LOXHD1: variants seen among roughly 807,000 people sequenced by gnomAD.
LOXHD1 encodes lipoxygenase homology domain-containing protein 1.
Under a neutral mutation model 248.2 loss-of-function variants are expected in LOXHD1, and 205 were observed. The ratio of observed to expected loss-of-function variants is 0.83; its 90% CI spans 0.74 to 0.93. The LOEUF is 0.93. LOXHD1 is among the 40% of genes least tolerant of loss of function. The pLI is 0.00. For synonymous variants in LOXHD1, 1,113 were observed against 1,162.8 expected, an observed-to-expected ratio of 0.96 and a Z score of 0.87; for missense variants, 2,930 against 2,971.6, an observed-to-expected ratio of 0.99 and a Z score of 0.33.
chr18:46,621,860 G>A (rs1186382545), intron 4 of LOXHD1, among the ~76,000 whole-genome samples: 1 of 152,184 alleles, frequency 6.6e-6, no homozygotes, highest in African/African-American at 2.4e-5. Context: ...ATGACATGGT[G>A]GATTCACCTT....
chr18:46,569,257 TA>T (rs1377466708), intron 16 of LOXHD1, among the ~76,000 whole-genome samples, 184 bp downstream of exon 16: 2 of 152,202 alleles, frequency 1.3e-5, no homozygotes, highest in African/African-American at 4.8e-5. Context: ...AGGTCACAGC[TA>T]AAAAACTACA....
Position 46,534,349 on chromosome 18 carries a change from G to T in LOXHD1, c.4198C>A (p.Leu1400Ile). 6.4e-7 allele frequency: 1 copy of T among 1,551,310 alleles called. No homozygotes were observed. Among genetic ancestry groups the T allele is most frequent in the Non-Finnish European group, 8.7e-7 (1 of 1,146,658 alleles). The change falls in exon 27 of 41, where the codon CTC becomes ATC. Residue 1400 changes from leucine to isoleucine, a missense_variant. By Grantham distance (5) the Leu-to-Ile change is conservative. Coordinates refer to ENST00000642948, the MANE Select transcript of LOXHD1 (RefSeq NM_001384474.1). The stretch of plus-strand genomic sequence containing the variant: ...CAACAACTCACGTCTTTATCCGGGA[G>T]GAGCCTGCGGATGTCCACGTGAGAG... ...HCSHVDIRRL[L>I]PDKDGAETLT...
chr18:46,504,803 C>G (rs1386439213), intron 37 of LOXHD1, among the ~76,000 whole-genome samples: 2 of 152,086 alleles, frequency 1.3e-5, no homozygotes, highest in Non-Finnish European at 2.9e-5. Context: ...TTTGGGAGAC[C>G]CAGCAAAGGC....
chr18:46,559,699 G>T (rs1002707376), intron 19 of LOXHD1, 97 bp from the exon 20 acceptor site: 2 of 1,334,796 alleles, frequency 1.5e-6, no homozygotes, highest in South Asian at 2.9e-5. Context: ...TCCTAGAACA[G>T]AGGGATCTTC....
chr18:46,609,087 C>A (rs766546655), intron 6 of LOXHD1, among the ~76,000 whole-genome samples: 3 of 152,320 alleles, frequency 2.0e-5, no homozygotes, highest in South Asian at 2.1e-4. Flanking sequence ...AGAAAACAGT[C>A]TTTATGCCCC....
chr18:46,559,219 G>A, intron 20 of LOXHD1: 1 of 1,490,754 alleles, frequency 6.7e-7, no homozygotes, highest in Non-Finnish European at 8.9e-7. Flanking sequence ...TTGTTCCTGT[G>A]GGTCAGCTGG....
At chr18:46,544,788 G>A (rs753059922) in intron 23 of LOXHD1, 2 of 471,174 alleles carry the variant, frequency 4.2e-6, no homozygotes, top group African/African-American at 2.0e-5. Context: ...GCACCCCATG[G>A]TCAAGGGTTA....
intron 26 of LOXHD1, among the ~76,000 whole-genome samples, chr18:46,537,947 C>T (rs1447992219): frequency 6.6e-6 from 1 of 152,214 alleles, no homozygotes; most frequent in East Asian, 1.9e-4. Context: ...TTGATCCTGA[C>T]ACCAGTCCAG....
chr18:46,608,898 C>T (rs1310550423), intron 6 of LOXHD1, among the ~76,000 whole-genome samples: 1 of 152,226 alleles, frequency 6.6e-6, no homozygotes, highest in Non-Finnish European at 1.5e-5. Flanking sequence ...GTTCACTCAA[C>T]ACCCTTTCCA....
In LOXHD1 at chr18:46,564,227, T is replaced by C. The variant is rs78376508; in HGVS notation, c.2438-1002A>G. On this transcript the variant is annotated intron_variant, in intron 17 of 40. Transcript: ENST00000642948. ...ATAGATAACGTCTAAGACTGTAAAA[T>C]TAAAAAATTGAGGCCAGGCACGGTG... is the stretch of plus-strand genomic sequence containing the variant. Among the ~76,000 whole-genome samples the C allele has an allele frequency of 4.5e-3, 691 of 152,036 alleles. 1 individual carries two copies. Among genetic ancestry groups the C allele is most frequent in the Non-Finnish European group, 7.3e-3 (499 of 67,984 alleles).
At chr18:46,558,822 C>T (rs1432718436) in intron 20 of LOXHD1, among the ~76,000 whole-genome samples, 1 of 152,134 alleles carries the variant, frequency 6.6e-6, no homozygotes, top group Non-Finnish European at 1.5e-5. Flanking sequence ...TTCATGGATT[C>T]CCACTGCATT....
At chr18:46,648,916 G>A (rs577787709) in intron 2 of LOXHD1, among the ~76,000 whole-genome samples, 2 of 152,202 alleles carry the variant, frequency 1.3e-5, no homozygotes, top group Non-Finnish European at 2.9e-5. Flanking sequence ...TGGATTCTTG[G>A]GAATTCTGAG....
intron 17 of LOXHD1, among the ~76,000 whole-genome samples, chr18:46,565,579 G>T (rs751719050): frequency 2.0e-5 from 3 of 152,178 alleles, no homozygotes; most frequent in Non-Finnish European, 2.9e-5. Flanking sequence ...TGCAGGGACA[G>T]GTTCCAGAAC....
chr18:46,480,858 G>A (rs1217456632), intron 40 of LOXHD1, among the ~76,000 whole-genome samples: 1 of 152,162 alleles, frequency 6.6e-6, no homozygotes, highest in African/African-American at 2.4e-5. Flanking sequence ...ATACGTTTCT[G>A]TATTTGAATT....
intron 24 of LOXHD1, among the ~76,000 whole-genome samples, chr18:46,542,263 G>A (rs2144365381): frequency 6.6e-6 from 1 of 152,254 alleles, no homozygotes. Context: ...TGAAGAAGGG[G>A]CTTCAAACAG....
chr18:46,618,716 T>G (rs766266143), intron 4 of LOXHD1, among the ~76,000 whole-genome samples: 8 of 152,182 alleles, frequency 5.3e-5, no homozygotes, highest in Non-Finnish European at 1.0e-4. Context: ...AACTAGGCCC[T>G]CTGTATCTCC....
In LOXHD1 at chr18:46,533,246, C is replaced by T; in HGVS notation, c.4291G>A (p.Val1431Ile). Residue 1431 changes from valine (V) to isoleucine (I), a missense_variant, in exon 28 of 41, where the codon GTT becomes ATT. Physicochemically the swap from Val to Ile is conservative, Grantham distance 29. Coordinates refer to ENST00000642948, the MANE Select transcript of LOXHD1 (RefSeq NM_001384474.1). ...TTCTCAGTGAAGATGTCATATGGAA[C>T]CAGTTCTCGAATGGTCTTTTTGTCA... ...EDDKKTIREL[V>I]PYDIFTEKYM... The T allele has an allele frequency of 1.3e-6, 2 of 1,551,754 alleles. No individual in the cohort carries two copies. The highest frequency in any genetic ancestry group is 2.4e-5 in the East Asian group (1 of 40,914).
At position 46,559,459 on chromosome 18, in the gene LOXHD1, C is replaced by T; in HGVS notation, c.3205G>A (p.Glu1069Lys). 6.4e-7 allele frequency: 1 copy of T among 1,552,100 alleles called. No homozygotes were observed. Among genetic ancestry groups the T allele is most frequent in the South Asian group, 1.2e-5 (1 of 84,036 alleles). Residue 1069 changes from glutamate to lysine, a missense_variant, in exon 20 of 41, where the codon GAG (glutamate) becomes AAG (lysine). Glu to Lys is a moderately conservative substitution (Grantham distance 56). Coordinates refer to ENST00000642948, the MANE Select transcript of LOXHD1 (RefSeq NM_001384474.1). ...LKKSDKSNKF[E>K]QGQTDTFTIY... ...GACCCTCACCCTACCTGCCCCTGCTCAAATTTGTTGGACTTGTCTGACTTC... is the reference window on the plus strand; with the variant it reads ...GACCCTCACCCTACCTGCCCCTGCTTAAATTTGTTGGACTTGTCTGACTTC...
Position 46,657,028 on chromosome 18 carries a change from C to A in LOXHD1, c.6G>T (p.Met2Ile). 1.3e-6 allele frequency: 2 copies of A among 1,551,666 alleles called. No individual in the cohort carries two copies. The highest frequency in any genetic ancestry group is 1.7e-4 in the Middle Eastern group (1 of 5,992). Residue 2 changes from methionine to isoleucine, a missense_variant, in exon 1 of 41, where the codon ATG becomes ATT. Transcript: ENST00000642948. ...TCTTCCTCCGCCTTTTCTTCTGGGG[C>A]ATCATTCTGTCGGCTGCCTTCTCCC... MMPQKKRRRKKD... is the reference protein window; with the variant it reads MIPQKKRRRKKD...
Sources: gnomAD v4.1 joint callset for allele counts (sites outside exome capture counted in the v4.1 genomes callset) on GRCh38, gnomAD v4.1.1 for gene constraint, MANE v1.5 for transcripts, NCBI Gene and HGNC (gene_info 2026-07-23, HGNC 2026-07-21) for gene names.